TDRD12: variants seen among roughly 807,000 people sequenced by gnomAD.
TDRD12 encodes putative ATP-dependent RNA helicase TDRD12.
A neutral mutation model predicts 133.5 loss-of-function variants in TDRD12; 158 were observed. The ratio of observed to expected loss-of-function variants is 1.18; its 90% CI spans 1.04 to 1.35. The LOEUF (loss-of-function observed/expected upper bound fraction) is 1.35, where lower values mean the gene tolerates loss of function less well. TDRD12 is among the 40% of genes most tolerant of loss of function. TDRD12 has a pLI of 0.00. For synonymous variants in TDRD12, 460 were observed against 477.9 expected (o/e 0.96, Z 0.49); for missense variants, 1,443 against 1,321.3 (o/e 1.09, Z -1.43).
chr19:32,782,224 T>G (rs1970791078), intron 11 of TDRD12, among the ~76,000 whole-genome samples: 1 of 152,042 alleles, frequency 6.6e-6, no homozygotes, highest in South Asian at 2.1e-4. Context: ...GTGTTTGGTT[T>G]TCTGATCTTG....
At chr19:32,795,343 A>G (rs1242716260) in intron 14 of TDRD12, among the ~76,000 whole-genome samples, 1 of 151,684 alleles carries the variant, frequency 6.6e-6, no homozygotes, top group African/African-American at 2.4e-5. Context: ...CAGAAAAAAA[A>G]AAAAAAAAAG....
chr19:32,802,912 C>T lies in TDRD12; in HGVS notation c.2332-10C>T. ...ATGATCCACTTCCTTTATTCACCCC[C>T]AATTTTCAGGGTTCTCCTGCAGAAC... On this transcript the variant is annotated splice_polypyrimidine_tract_variant and intron_variant, in intron 20 of 27. Transcript: ENST00000444215. 2 of 1,532,214 alleles carry T rather than the reference C, an allele frequency of 1.3e-6. No individual in the cohort carries two copies. Among genetic ancestry groups the T allele is most frequent in the Non-Finnish European group, 1.7e-6 (2 of 1,144,528 alleles). 94.9% of individuals were successfully genotyped at this position (1,532,214 alleles called of 1,614,324 possible).
At chr19:32,721,800 C>T (rs957281735) in intron 1 of TDRD12, among the ~76,000 whole-genome samples, 4 of 151,552 alleles carry the variant, frequency 2.6e-5, no homozygotes, top group South Asian at 2.1e-4. Context: ...CTCCGCCTCC[C>T]GGGTTCACGC....
At chr19:32,791,507 A>AT (rs1232854871) in intron 13 of TDRD12, among the ~76,000 whole-genome samples, 5 of 152,186 alleles carry the variant, frequency 3.3e-5, no homozygotes, top group African/African-American at 1.2e-4. Context: ...TTAAAAAAAA[A>AT]TTTTTTTTAA....
intron 11 of TDRD12, among the ~76,000 whole-genome samples, chr19:32,789,615 C>T (rs111429173): frequency 1.4e-3 from 220 of 152,336 alleles, no homozygotes; most frequent in Non-Finnish European, 1.8e-3. Flanking sequence ...CTTTTCATGA[C>T]TGACTTATAT....
intron 3 of TDRD12, among the ~76,000 whole-genome samples, chr19:32,741,438 AATTTGCAGTACTTACTG>A (rs1235725624): frequency 6.6e-6 from 1 of 152,218 alleles, no homozygotes. Context: ...AGACATTGGG[AATTTGCAGTACTTACTG>A]TAAGAGTAGG....
chr19:32,736,286 C>T lies in TDRD12; in HGVS notation c.184-2570C>T, dbSNP rs547794438. Among the ~76,000 whole-genome samples, 109 of 152,206 alleles carry T rather than the reference C, an allele frequency of 7.2e-4. 1 individual carries two copies. The highest frequency in any genetic ancestry group is 3.4e-3 in the Middle Eastern group (1 of 294). On this transcript the variant is annotated intron_variant, in intron 2 of 27. Coordinates refer to ENST00000444215, the Ensembl canonical transcript of TDRD12. ...TACTGCTGAGCTGGGTATGGTGGCACGTGTCCACAGTCCCAGCTACTTGGG... is the reference window on the plus strand; with the variant it reads ...TACTGCTGAGCTGGGTATGGTGGCATGTGTCCACAGTCCCAGCTACTTGGG...
At chr19:32,801,939 C>A (rs979944156) in intron 19 of TDRD12, 66 bp downstream of exon 19, 6 of 527,254 alleles carry the variant, frequency 1.1e-5, no homozygotes, top group African/African-American at 7.9e-5. Context: ...ATCTTTAATT[C>A]ATTTATATAT....
chr19:32,749,652 CT>C (rs1969763791), intron 5 of TDRD12, 131 bp from the exon 6 acceptor site: 4 of 639,282 alleles, frequency 6.3e-6, no homozygotes, highest in South Asian at 2.2e-5. Context: ...CATGCTCCCC[CT>C]GGTCCTGCCC....
chr19:32,763,876 C>G (rs1381845961), intron 8 of TDRD12, among the ~76,000 whole-genome samples: 1 of 152,176 alleles, frequency 6.6e-6, no homozygotes, highest in Admixed American at 6.5e-5. Flanking sequence ...TCAGTCTCTC[C>G]AGTGCTGGGG....
intron 11 of TDRD12, among the ~76,000 whole-genome samples, chr19:32,780,795 G>GTT (rs35298502): frequency 0.015 from 2,135 of 143,264 alleles, 44 homozygotes; most frequent in African/African-American, 0.045. Context: ...CTTTCCTTGG[G>GTT]TTTTTTTTTT....
At chr19:32,756,916 C>G (rs568266241) in intron 7 of TDRD12, 122 bp from the exon 8 acceptor site, 6 of 745,982 alleles carry the variant, frequency 8.0e-6, no homozygotes, top group Non-Finnish European at 1.4e-5. Context: ...CTTGTGTCCC[C>G]TAGTCAGGTT....
exon 2 of TDRD12, chr19:32,731,868 A>G: frequency 6.5e-7 from 1 of 1,546,562 alleles, no homozygotes; most frequent in Non-Finnish European, 8.7e-7. Flanking sequence ...AACCCTTAAC[A>G]TTGGAAGAAG....
intron 3 of TDRD12, among the ~76,000 whole-genome samples, chr19:32,740,130 C>T (rs1969372252): frequency 7.3e-6 from 1 of 136,856 alleles, no homozygotes; most frequent in East Asian, 2.4e-4. Context: ...CTCTCTGCAT[C>T]TCCTGGGTGC....
chr19:32,819,851 A>G (rs1394780045), intron 27 of TDRD12, among the ~76,000 whole-genome samples: 1 of 152,124 alleles, frequency 6.6e-6, no homozygotes, highest in Admixed American at 6.6e-5. Context: ...TGCCTGGGGA[A>G]TGCTGGTGCG....
At chr19:32,794,875 C>A in intron 14 of TDRD12, 62 bp downstream of exon 14, 1 of 669,326 alleles carries the variant, frequency 1.5e-6, no homozygotes, top group South Asian at 1.6e-5. Context: ...TAAAATTATA[C>A]ACCTCACCTT....
intron 13 of TDRD12, among the ~76,000 whole-genome samples, chr19:32,792,601 G>C (rs1336346836): frequency 6.6e-6 from 1 of 152,096 alleles, no homozygotes; most frequent in Non-Finnish European, 1.5e-5. Flanking sequence ...TTTGAGGTCC[G>C]GTTTCTGAAA....
chr19:32,763,873 C>T (rs1366745250), intron 8 of TDRD12, among the ~76,000 whole-genome samples: 1 of 152,188 alleles, frequency 6.6e-6, no homozygotes, highest in Non-Finnish European at 1.5e-5. Context: ...CTGTCAGTCT[C>T]TCCAGTGCTG....
intron 2 of TDRD12, among the ~76,000 whole-genome samples, chr19:32,735,674 A>C (rs1969202147): frequency 6.6e-6 from 1 of 152,210 alleles, no homozygotes. Context: ...TTCCAGAGCT[A>C]AATAGGAGAA....
Sources: allele counts gnomAD v4.1 joint callset (sites outside exome capture counted in the v4.1 genomes callset), GRCh38; gene constraint gnomAD v4.1.1; transcripts MANE v1.5; gene names NCBI Gene and HGNC (gene_info 2026-07-23, HGNC 2026-07-21).